The following LINGO2 variants were observed in gnomAD, a reference collection of about 807,000 sequenced individuals.
LINGO2 encodes leucine rich repeat and Ig domain containing 2, also known as leucine-rich repeat and immunoglobulin-like domain-containing nogo receptor-interacting protein 2.
A neutral mutation model predicts 30.6 loss-of-function variants in LINGO2; 14 were observed. The ratio of observed to expected loss-of-function variants is 0.46; its 90% CI spans 0.30 to 0.72. The LOEUF (loss-of-function observed/expected upper bound fraction) is 0.72, where lower values mean the gene tolerates loss of function less well. LINGO2 is among the 30% of genes least tolerant of loss of function. The pLI is 0.07. For missense variants in LINGO2, 729 were observed against 751.7 expected, an observed-to-expected ratio of 0.97 and a Z score of 0.35; for synonymous variants, 317 against 288.5, an observed-to-expected ratio of 1.10 and a Z score of -1.00.
chr9:28,246,768 T>C (rs1438242592), intron 4 of LINGO2, among the ~76,000 whole-genome samples: 1 of 152,060 alleles, frequency 6.6e-6, no homozygotes, highest in African/African-American at 2.4e-5. Context: ...CTAATTAAAC[T>C]AAAGAGCTTC....
chr9:28,349,656 A>C (rs925173563), intron 3 of LINGO2, among the ~76,000 whole-genome samples: 6 of 139,156 alleles, frequency 4.3e-5, no homozygotes, highest in African/African-American at 1.6e-4. Flanking sequence ...GAACGCCACA[A>C]AGATACTCCT....
At chr9:28,769,518 ATTTTTTTTTTTTTTT>A in the LINGO2 span, among the ~76,000 whole-genome samples, 295 of 4,014 alleles carry the variant, frequency 0.073, 19 homozygotes, top group East Asian at 0.12. Context: ...ATATATATAT[ATTTTTTTTTTTTTTT>A]TTTTTTTTTT....
chr9:28,964,568 G>A, the LINGO2 span, among the ~76,000 whole-genome samples: 3 of 151,974 alleles, frequency 2.0e-5, no homozygotes, highest in African/African-American at 4.8e-5. Flanking sequence ...AGAAACCACC[G>A]ACGAGTTACA....
the LINGO2 span, among the ~76,000 whole-genome samples, chr9:29,054,324 A>G: frequency 6.6e-6 from 1 of 152,208 alleles, no homozygotes; most frequent in Non-Finnish European, 1.5e-5. Flanking sequence ...ACTGAATTAC[A>G]GTGGCTAACT....
rs569610096 is a variant in LINGO2, at chr9:28,140,281, C to T, written c.-86-127876G>A. On this transcript the variant is annotated intron_variant, in intron 4 of 5. Transcript: ENST00000379992. Reference sequence around the variant, plus strand: ...AGAAACATCTTTCCCCCCAAATTTCCGTAAAATGGTAAGTTTAATTTGCAA... The same window carrying T: ...AGAAACATCTTTCCCCCCAAATTTCTGTAAAATGGTAAGTTTAATTTGCAA... Among the ~76,000 whole-genome samples, 6 of 152,248 alleles carry T rather than the reference C, an allele frequency of 3.9e-5. No homozygotes were observed. The East Asian group carries it at 7.7e-4, about 20-fold the overall frequency.
chr9:29,209,845 G>T, the LINGO2 span, among the ~76,000 whole-genome samples: 1 of 152,078 alleles, frequency 6.6e-6, no homozygotes, highest in Non-Finnish European at 1.5e-5. Flanking sequence ...CATAAATTGA[G>T]AAAATGGATT....
chr9:28,067,074 C>T (rs979230411), intron 4 of LINGO2, among the ~76,000 whole-genome samples: 4 of 152,100 alleles, frequency 2.6e-5, no homozygotes, highest in African/African-American at 9.7e-5. Flanking sequence ...GGAATATGAA[C>T]TCTGGTCCTC....
At chr9:29,155,997 T>C in the LINGO2 span, among the ~76,000 whole-genome samples, 1 of 152,106 alleles carries the variant, frequency 6.6e-6, no homozygotes, top group African/African-American at 2.4e-5. Context: ...GAAGCTTTCT[T>C]ACCATAACAT....
chr9:28,509,469 A>T (rs146062319), intron 1 of LINGO2, among the ~76,000 whole-genome samples: 11 of 152,302 alleles, frequency 7.2e-5, no homozygotes, highest in African/African-American at 2.4e-4. Flanking sequence ...AGTGGTTTAC[A>T]ATCATTGTCT....
chr9:28,083,274 C>T (rs1455154301), intron 4 of LINGO2, among the ~76,000 whole-genome samples: 1 of 152,174 alleles, frequency 6.6e-6, no homozygotes, highest in East Asian at 1.9e-4. Flanking sequence ...GGCTTTGGCC[C>T]CAGCTCCCTT....
At chr9:28,427,898 T>C (rs1451460040) in intron 2 of LINGO2, among the ~76,000 whole-genome samples, 1 of 152,138 alleles carries the variant, frequency 6.6e-6, no homozygotes. Context: ...GGACATTCAA[T>C]AGGTCAACCT....
chr9:28,699,245 AT>A, the LINGO2 span, among the ~76,000 whole-genome samples: 541 of 151,954 alleles, frequency 3.6e-3, 5 homozygotes, highest in African/African-American at 0.012. Context: ...TATGGACTGT[AT>A]TTTTTTGGCC....
intron 4 of LINGO2, among the ~76,000 whole-genome samples, chr9:28,191,164 C>G (rs904556937): frequency 6.6e-6 from 1 of 152,138 alleles, no homozygotes; most frequent in African/African-American, 2.4e-5. Flanking sequence ...GTTAAATTGG[C>G]TCTAGGCAGG....
intron 4 of LINGO2, among the ~76,000 whole-genome samples, chr9:28,224,189 C>T (rs368566616): frequency 3.3e-5 from 5 of 152,228 alleles, no homozygotes; most frequent in South Asian, 2.1e-4. Context: ...CTCAGCCTCC[C>T]GAGTAGCTGG....
intron 4 of LINGO2, among the ~76,000 whole-genome samples, chr9:28,125,730 G>A (rs779435903): frequency 1.3e-5 from 2 of 152,128 alleles, no homozygotes; most frequent in Non-Finnish European, 2.9e-5. Flanking sequence ...TTTTCTGTGG[G>A]AGCCAAAGGG....
At chr9:28,745,240 A>G in the LINGO2 span, among the ~76,000 whole-genome samples, 2 of 152,018 alleles carry the variant, frequency 1.3e-5, no homozygotes, top group Non-Finnish European at 1.5e-5. Context: ...AGTACTTATT[A>G]TTCAGTCAGT....
At chr9:28,186,626 A>G (rs1819551185) in intron 4 of LINGO2, among the ~76,000 whole-genome samples, 1 of 152,154 alleles carries the variant, frequency 6.6e-6, no homozygotes, top group East Asian at 1.9e-4. Context: ...TATAAAGAGT[A>G]GTCCAGGAAG....
chr9:28,122,335 T>C (rs12682879), intron 4 of LINGO2, among the ~76,000 whole-genome samples: 1 of 152,104 alleles, frequency 6.6e-6, no homozygotes, highest in Non-Finnish European at 1.5e-5. Flanking sequence ...CATAGTGAAA[T>C]AGGGCTATGT....
At chr9:28,233,093 T>TA (rs1221400366) in intron 4 of LINGO2, among the ~76,000 whole-genome samples, 6 of 142,496 alleles carry the variant, frequency 4.2e-5, no homozygotes, top group Middle Eastern at 3.7e-3. Flanking sequence ...GTAAACATTT[T>TA]AAATATATGT....
Sources: allele counts gnomAD v4.1 joint callset (sites outside exome capture counted in the v4.1 genomes callset), GRCh38; gene constraint gnomAD v4.1.1; transcripts MANE v1.5; gene names NCBI Gene and HGNC (gene_info 2026-07-23, HGNC 2026-07-21).